The following GALNT17 variants were observed in gnomAD, a reference collection of about 807,000 sequenced individuals.
GALNT17 encodes polypeptide N-acetylgalactosaminyltransferase 17, also known as UDP-GalNAc:polypeptide N-acetylgalactosaminyltransferase-like 3.
In GALNT17, 29 loss-of-function variants were observed where a neutral mutation model predicts 63.7. The ratio of observed to expected loss-of-function variants is 0.46; its 90% CI spans 0.34 to 0.62. The LOEUF is 0.62. Ranked by LOEUF, GALNT17 falls within the 20% of genes least tolerant of loss-of-function variation. The pLI, the probability that GALNT17 is intolerant of heterozygous loss-of-function variation, is 0.01. For synonymous variants in GALNT17, 305 were observed against 318.3 expected (o/e 0.96, Z 0.45); for missense variants, 603 against 799.6 (o/e 0.75, Z 2.97).
chr7:71,350,143 A>T (rs548322261), intron 2 of GALNT17, among the ~76,000 whole-genome samples: 1 of 152,362 alleles, frequency 6.6e-6, no homozygotes, highest in South Asian at 2.1e-4. Context: ...TTAAATAAAA[A>T]TAAAGAAAGG....
chr7:71,364,452 C>T (rs925238466), intron 2 of GALNT17, among the ~76,000 whole-genome samples: 1 of 152,122 alleles, frequency 6.6e-6, no homozygotes, highest in East Asian at 1.9e-4. Flanking sequence ...TCTGTGAGGT[C>T]GTTGTATGGG....
At chr7:71,669,381 C>A (rs1166013205) in intron 7 of GALNT17, among the ~76,000 whole-genome samples, 1 of 151,798 alleles carries the variant, frequency 6.6e-6, no homozygotes, top group African/African-American at 2.4e-5. Flanking sequence ...CATGGTGATG[C>A]AAGCCTGGAA....
chr7:71,371,465 A>G lies in GALNT17; in HGVS notation c.423-16770A>G, dbSNP rs1283282530. 3.3e-5 allele frequency among the ~76,000 whole-genome samples: 5 copies of G among 151,966 alleles called. No homozygotes were observed. In the South Asian group the frequency reaches 8.3e-4, roughly 25 times the overall value. On this transcript the variant is annotated intron_variant, in intron 2 of 10. Transcript: ENST00000333538. ...GTCTCTTTTGTTATATGAATTATGC[A>G]TTCATGTTTTTTGTTTATTTATCTA... is the stretch of plus-strand genomic sequence containing the variant.
At chr7:71,674,751 A>G (rs953725307) in intron 8 of GALNT17, among the ~76,000 whole-genome samples, 4 of 152,102 alleles carry the variant, frequency 2.6e-5, no homozygotes, top group South Asian at 2.1e-4. Flanking sequence ...TCCTGACCTT[A>G]AGCAATCTTC....
intron 6 of GALNT17, among the ~76,000 whole-genome samples, chr7:71,592,011 G>A (rs1789809830): frequency 1.3e-5 from 2 of 152,312 alleles, no homozygotes; most frequent in Middle Eastern, 3.4e-3. Context: ...TGCCAAGGGC[G>A]CAGATGGAGC....
intron 1 of GALNT17, among the ~76,000 whole-genome samples, chr7:71,327,339 A>G (rs11761703): frequency 0.27 from 40,392 of 152,076 alleles, 6,055 homozygotes; most frequent in East Asian, 0.48. Context: ...CATGTCTTAC[A>G]TGGCAGCAGA....
chr7:71,358,955 A>G (rs1273826825), intron 2 of GALNT17, among the ~76,000 whole-genome samples: 1 of 152,010 alleles, frequency 6.6e-6, no homozygotes, highest in Non-Finnish European at 1.5e-5. Flanking sequence ...TTGGAGTTTT[A>G]GTAGAGATGG....
intron 1 of GALNT17, among the ~76,000 whole-genome samples, chr7:71,159,061 C>T (rs1191471475): frequency 2.0e-5 from 3 of 151,408 alleles, no homozygotes; most frequent in African/African-American, 4.9e-5. Context: ...AAGCTAATAC[C>T]CTCTGTCTTT....
At chr7:71,204,310 A>G (rs1373738159) in intron 1 of GALNT17, among the ~76,000 whole-genome samples, 1 of 152,040 alleles carries the variant, frequency 6.6e-6, no homozygotes, top group Non-Finnish European at 1.5e-5. Context: ...TCTTTGTACT[A>G]TATTTTGAAA....
chr7:71,167,751 G>A lies in GALNT17; in HGVS notation c.238+34711G>A, dbSNP rs547793330. On this transcript the variant is annotated intron_variant, in intron 1 of 10. Coordinates refer to ENST00000333538, the MANE Select transcript of GALNT17 (RefSeq NM_022479.3). ...GTCGCTCAGGCTGGAGTGCCGTGGC[G>A]TGATCTTGGCTCACTGCAACCTCCA... Among the ~76,000 whole-genome samples, 8 of 152,248 alleles carry A rather than the reference G, an allele frequency of 5.3e-5. No individual in the cohort carries two copies. In the South Asian group the frequency reaches 8.3e-4, roughly 16 times the overall value.
intron 9 of GALNT17, among the ~76,000 whole-genome samples, chr7:71,696,573 C>T (rs568901435): frequency 7.2e-5 from 11 of 152,310 alleles, no homozygotes; most frequent in African/African-American, 2.6e-4. Context: ...AATTATTTAT[C>T]TGGTTTTTGT....
chr7:71,508,294 T>C lies in GALNT17; in HGVS notation c.963-62991T>C, dbSNP rs183464069. 8.7e-4 allele frequency among the ~76,000 whole-genome samples: 133 copies of C among 152,344 alleles called. 6 individuals carry two copies. In the South Asian group the frequency reaches 0.015, roughly 17 times the overall value. ...TTTTTAAAAAGGTTTCCATGTCTGT[T>C]GCAATTACGTGAAACCAGCTAATCC... On this transcript the variant is annotated intron_variant, in intron 5 of 10. Coordinates refer to ENST00000333538, the MANE Select transcript of GALNT17 (RefSeq NM_022479.3).
intron 1 of GALNT17, among the ~76,000 whole-genome samples, chr7:71,294,570 A>T (rs1791043947): frequency 6.6e-6 from 1 of 151,880 alleles, no homozygotes. Context: ...GTGCACCACC[A>T]TGCCTGGCTA....
chr7:71,602,227 G>T (rs1401318500), intron 6 of GALNT17, among the ~76,000 whole-genome samples: 1 of 152,162 alleles, frequency 6.6e-6, no homozygotes, highest in African/African-American at 2.4e-5. Flanking sequence ...CATCTACAAA[G>T]AGAAATGATG....
chr7:71,546,851 C>CTTGATGAAAGAGAGATGCCAACTGCG (rs1788993058), intron 5 of GALNT17, among the ~76,000 whole-genome samples: 1 of 152,162 alleles, frequency 6.6e-6, no homozygotes, highest in Admixed American at 6.5e-5. Flanking sequence ...GCAAGGGCAC[C>CTTGATGAAAGAGAGATGCCAACTGCG]ATGGTTAGGC....
intron 5 of GALNT17, among the ~76,000 whole-genome samples, chr7:71,527,980 C>T (rs1283768363): frequency 6.6e-6 from 1 of 152,110 alleles, no homozygotes; most frequent in African/African-American, 2.4e-5. Context: ...CAGTTTTGTC[C>T]AAGTTATCAA....
intron 1 of GALNT17, among the ~76,000 whole-genome samples, chr7:71,195,891 A>G (rs1175569659): frequency 6.6e-6 from 1 of 151,968 alleles, no homozygotes; most frequent in Non-Finnish European, 1.5e-5. Context: ...ATACAAATCT[A>G]TAAGCCAATG....
At chr7:71,561,937 C>A (rs1789262870) in intron 5 of GALNT17, among the ~76,000 whole-genome samples, 1 of 151,776 alleles carries the variant, frequency 6.6e-6, no homozygotes, top group African/African-American at 2.4e-5. Context: ...GGCTATGGAT[C>A]AGCAGATTTT....
At chr7:71,555,535 C>G (rs934672964) in intron 5 of GALNT17, among the ~76,000 whole-genome samples, 2 of 152,024 alleles carry the variant, frequency 1.3e-5, no homozygotes, top group African/African-American at 4.8e-5. Context: ...CAGGCCCCAC[C>G]TATAACACTG....
Sources: gnomAD v4.1 joint callset for allele counts (sites outside exome capture counted in the v4.1 genomes callset) on GRCh38, gnomAD v4.1.1 for gene constraint, MANE v1.5 for transcripts, NCBI Gene and HGNC (gene_info 2026-07-23, HGNC 2026-07-21) for gene names.